Variants in FAM184B observed in about 807,000 individuals in gnomAD.
The protein encoded by FAM184B is protein FAM184B.
FAM184B carries 111 observed loss-of-function variants against 135.9 expected under a neutral mutation model. The observed-to-expected ratio is 0.82, with a 90% CI of 0.70 to 0.96. The LOEUF (loss-of-function observed/expected upper bound fraction) is 0.96. FAM184B is among the 40% of genes least tolerant of loss of function. FAM184B has a pLI of 0.00. For synonymous variants in FAM184B, 552 were observed against 524.8 expected (o/e 1.05, Z -0.71); for missense variants, 1,375 against 1,323.9 (o/e 1.04, Z -0.60).
At chr4:17,755,059 C>A (rs949237329) in intron 1 of FAM184B, among the ~76,000 whole-genome samples, 39 of 151,910 alleles carry the variant, frequency 2.6e-4, no homozygotes, top group African/African-American at 9.2e-4. Flanking sequence ...TGGGGTCTTG[C>A]TGTGTTTCCC....
At chr4:17,773,671 G>A (rs1344943048) in intron 1 of FAM184B, among the ~76,000 whole-genome samples, 4 of 152,102 alleles carry the variant, frequency 2.6e-5, no homozygotes, top group Non-Finnish European at 4.4e-5. Context: ...TCCGCCTCCC[G>A]GGTTCAAACA....
intron 1 of FAM184B, among the ~76,000 whole-genome samples, chr4:17,751,214 C>T (rs879606367): frequency 2.0e-5 from 3 of 147,110 alleles, no homozygotes; most frequent in Admixed American, 7.0e-5. Context: ...AGGCTGAGGC[C>T]GGAGAATCAC....
chr4:17,721,383 C>CAAAAAAAAAAAAAAAAAAAAAAA lies in FAM184B; in HGVS notation c.142-11762_142-11740dup, dbSNP rs61539641. ...TGGGCGACAGAGAAAGATTCTGTCT[C>CAAAAAAAAAAAAAAAAAAAAAAA]AAAAAAAAAAAAAAAAAAAAAAATC... On this transcript the variant is annotated intron_variant, in intron 1 of 17. Coordinates refer to ENST00000265018, the MANE Select transcript of FAM184B (RefSeq NM_015688.2). Among the ~76,000 whole-genome samples the CAAAAAAAAAAAAAAAAAAAAAAA allele has an allele frequency of 1.9e-4, 9 of 47,394 alleles. 1 individual carries two copies. Among genetic ancestry groups the CAAAAAAAAAAAAAAAAAAAAAAA allele is most frequent in the East Asian group, 4.5e-4 (1 of 2,214 alleles). The allele number at this position is 47,394 out of a possible 152,430, so 31.1% of individuals were successfully genotyped here. A position where few individuals can be genotyped will look rare whatever the true frequency, so the allele number is the denominator to read the frequency against.
At chr4:17,632,948 G>C (rs1715007385) in intron 17 of FAM184B, 1 of 189,464 alleles carries the variant, frequency 5.3e-6, no homozygotes, top group Non-Finnish European at 1.1e-5. Flanking sequence ...TTGTGACAGA[G>C]TCTCCCTCTG....
intron 7 of FAM184B, among the ~76,000 whole-genome samples, chr4:17,686,919 C>T (rs1460526308): frequency 2.6e-5 from 4 of 152,142 alleles, no homozygotes. Flanking sequence ...GCAGCCTGGG[C>T]AACAGAGAAA....
intron 1 of FAM184B, among the ~76,000 whole-genome samples, chr4:17,738,282 A>G (rs745488019): frequency 2.0e-5 from 3 of 152,110 alleles, no homozygotes; most frequent in Non-Finnish European, 4.4e-5. Flanking sequence ...GCTCTCCATC[A>G]CATGGAAAAA....
rs554794721 is a variant in FAM184B at position 17,719,692 on chromosome 4, C to G, written c.142-10048G>C. Among the ~76,000 whole-genome samples, 9 of 152,162 alleles carry G rather than the reference C, an allele frequency of 5.9e-5. No homozygotes were observed. The South Asian group carries it at 8.3e-4, about 14-fold the overall frequency. On this transcript the variant is annotated intron_variant, in intron 1 of 17. Coordinates refer to ENST00000265018, the MANE Select transcript of FAM184B (RefSeq NM_015688.2). ...ATGAACAAAAATCTTTATTTTAACC[C>G]CACATTCTCCATTTTTCTACACCCC...
At chr4:17,695,560 A>T (rs1716836112) in intron 5 of FAM184B, among the ~76,000 whole-genome samples, 1 of 152,120 alleles carries the variant, frequency 6.6e-6, no homozygotes, top group South Asian at 2.1e-4. Flanking sequence ...TGTGGTGGTA[A>T]CTGAGGTAAG....
At chr4:17,777,504 T>C (rs973052470) in intron 1 of FAM184B, among the ~76,000 whole-genome samples, 8 of 152,120 alleles carry the variant, frequency 5.3e-5, no homozygotes, top group African/African-American at 1.9e-4. Flanking sequence ...AAAAAAACTG[T>C]TAATCAAAAT....
intron 1 of FAM184B, among the ~76,000 whole-genome samples, chr4:17,711,912 A>T (rs1338407284): frequency 6.6e-6 from 1 of 152,214 alleles, no homozygotes; most frequent in South Asian, 2.1e-4. Flanking sequence ...GGTCACTAAC[A>T]GTGAGCTGAG....
At chr4:17,677,387 T>C (rs918021632) in intron 7 of FAM184B, among the ~76,000 whole-genome samples, 1 of 152,160 alleles carries the variant, frequency 6.6e-6, no homozygotes, top group Non-Finnish European at 1.5e-5. Flanking sequence ...TTGTTTCAAT[T>C]GCTATTATGA....
At chr4:17,649,542 C>T (rs981413826) in intron 11 of FAM184B, among the ~76,000 whole-genome samples, 17 of 151,002 alleles carry the variant, frequency 1.1e-4, no homozygotes, top group African/African-American at 4.1e-4. Context: ...TGAGATCACA[C>T]CACTGCACTC....
At chr4:17,693,659 A>T (rs1339080278) in intron 5 of FAM184B, among the ~76,000 whole-genome samples, 1 of 152,188 alleles carries the variant, frequency 6.6e-6, no homozygotes, top group Non-Finnish European at 1.5e-5. Context: ...AGTGTCAAAT[A>T]AAAAAATGCT....
chr4:17,739,746 G>A (rs887066317), intron 1 of FAM184B, among the ~76,000 whole-genome samples: 5 of 151,402 alleles, frequency 3.3e-5, no homozygotes, highest in African/African-American at 9.7e-5. Context: ...GTAGAGATGG[G>A]GGTTCCACCA....
intron 1 of FAM184B, among the ~76,000 whole-genome samples, chr4:17,728,836 G>A (rs1240240848): frequency 6.6e-6 from 1 of 152,196 alleles, no homozygotes; most frequent in Non-Finnish European, 1.5e-5. Context: ...CAGAAGACAG[G>A]TGATTTCTGC....
intron 1 of FAM184B, among the ~76,000 whole-genome samples, chr4:17,735,401 T>G (rs1413434270): frequency 6.6e-6 from 1 of 152,168 alleles, no homozygotes; most frequent in East Asian, 1.9e-4. Context: ...TTTTAAAATT[T>G]TCTTATTTCC....
At chr4:17,654,594 T>G (rs1715739209) in intron 10 of FAM184B, among the ~76,000 whole-genome samples, 1 of 152,234 alleles carries the variant, frequency 6.6e-6, no homozygotes, top group South Asian at 2.1e-4. Context: ...CCATGAGTGA[T>G]GGAGTCCAGG....
chr4:17,759,095 C>T (rs533581599), intron 1 of FAM184B, among the ~76,000 whole-genome samples: 9 of 152,274 alleles, frequency 5.9e-5, no homozygotes, highest in African/African-American at 2.2e-4. Context: ...ACTTGAACTT[C>T]CATTAAGTGT....
intron 8 of FAM184B, among the ~76,000 whole-genome samples, chr4:17,664,006 A>C (rs1241485510): frequency 1.3e-5 from 2 of 152,154 alleles, no homozygotes; most frequent in Non-Finnish European, 2.9e-5. Context: ...CAGAATTGTG[A>C]GTCAATTAAA....
Sources: allele counts gnomAD v4.1 joint callset (sites outside exome capture counted in the v4.1 genomes callset), GRCh38; gene constraint gnomAD v4.1.1; transcripts MANE v1.5; gene names NCBI Gene and HGNC (gene_info 2026-07-23, HGNC 2026-07-21).